Variants in RXRA observed in about 807,000 individuals in gnomAD.
RXRA encodes retinoid X receptor alpha.
Under a neutral mutation model 44.5 loss-of-function variants are expected in RXRA, and 5 were observed. That is an observed-to-expected ratio of 0.11 (90% confidence interval 0.06 to 0.24). The LOEUF is 0.24. RXRA is among the 10% of genes least tolerant of loss of function. RXRA has a pLI of 1.00. For missense variants in RXRA, 412 were observed against 646.5 expected (o/e 0.64, Z 3.93); for synonymous variants, 291 against 271.4 (o/e 1.07, Z -0.71).
chr9:134,403,510 G>T (rs1830998636), intron 2 of RXRA: 2 of 152,334 alleles, frequency 1.3e-5, no homozygotes, highest in Non-Finnish European at 2.9e-5. Flanking sequence ...GCACCTGCTG[G>T]GTCCCAGGGC....
chr9:134,408,130 C>G lies in RXRA; in HGVS notation c.280-19C>G, dbSNP rs200240902. On this transcript the variant is annotated intron_variant, in intron 2 of 9. Coordinates refer to ENST00000481739, the MANE Select transcript of RXRA (RefSeq NM_002957.6). ...AACCTGGTGTACACCCCGCTGACTG[C>G]TGTGGTTGCCCCCCCCAGCTCAGCT... The G allele has an allele frequency of 4.6e-6, 7 of 1,523,544 alleles. No homozygotes were observed. The highest frequency in any genetic ancestry group is 6.1e-6 in the Non-Finnish European group (7 of 1,140,942). The allele number at this position is 1,523,544 out of a possible 1,614,324, so 94.4% of individuals were successfully genotyped here.
At chr9:134,422,188 T>A in intron 6 of RXRA, 1 of 1,171,444 alleles carries the variant, frequency 8.5e-7, no homozygotes, top group Non-Finnish European at 1.1e-6. Context: ...TGGGACACAC[T>A]TCCCCCTCCA....
At chr9:134,404,410 G>GC (rs771563425) in intron 2 of RXRA, 2 of 152,372 alleles carry the variant, frequency 1.3e-5, no homozygotes, top group African/African-American at 4.8e-5. Context: ...CCCAGAGCAG[G>GC]CCCGGGGGAC....
intron 1 of RXRA, among the ~76,000 whole-genome samples, chr9:134,334,910 G>A (rs117905714): frequency 1.3e-3 from 200 of 152,336 alleles, no homozygotes; most frequent in African/African-American, 4.7e-3. Context: ...GTGGTGAAGC[G>A]CTTTCGGGAT....
rs149054510 is a variant in RXRA at position 134,387,340 on chromosome 9, C to T, written c.29-14292C>T. On this transcript the variant is annotated intron_variant, in intron 1 of 9. Transcript: ENST00000481739. ...AGATGTCCCTAGAAGGATGCGCTCT[C>T]GGCGCCCACGGTACAGGAAGACAGG... 5.1e-3 allele frequency among the ~76,000 whole-genome samples: 776 copies of T among 152,376 alleles called. 7 individuals carry two copies. The highest frequency in any genetic ancestry group is 0.017 in the African/African-American group (700 of 41,592).
At chr9:134,335,782 C>G (rs1829992767) in intron 1 of RXRA, among the ~76,000 whole-genome samples, 1 of 152,150 alleles carries the variant, frequency 6.6e-6, no homozygotes, top group African/African-American at 2.4e-5. Context: ...GGCCCTGGCT[C>G]CCAGGGTGTG....
intron 1 of RXRA, among the ~76,000 whole-genome samples, chr9:134,344,986 C>T (rs919688190): frequency 3.9e-5 from 6 of 152,288 alleles, no homozygotes; most frequent in Non-Finnish European, 7.4e-5. Context: ...AGAGTGGGCT[C>T]TGCCTCCTGC....
At chr9:134,414,589 T>C (rs1831203623) in intron 4 of RXRA, among the ~76,000 whole-genome samples, 1 of 152,228 alleles carries the variant, frequency 6.6e-6, no homozygotes, top group African/African-American at 2.4e-5. Context: ...GGTTGTCGGA[T>C]CCCAGGGCCT....
At chr9:134,337,196 T>C (rs1301976849) in intron 1 of RXRA, among the ~76,000 whole-genome samples, 1 of 152,206 alleles carries the variant, frequency 6.6e-6, no homozygotes, top group African/African-American at 2.4e-5. Context: ...GTTGGGGACC[T>C]GGGTCCTTCC....
At chr9:134,372,553 C>G (rs150745332) in intron 1 of RXRA, among the ~76,000 whole-genome samples, 1 of 150,864 alleles carries the variant, frequency 6.6e-6, no homozygotes, top group African/African-American at 2.4e-5. Context: ...GAGGCCTCCC[C>G]GTCACCTCAG....
In RXRA at chr9:134,365,957, C is replaced by T. The variant is rs893017531; in HGVS notation, c.29-35675C>T. Among the ~76,000 whole-genome samples the T allele has an allele frequency of 1.1e-4, 16 of 152,224 alleles. No homozygotes were observed. Among genetic ancestry groups the T allele is most frequent in the Admixed American group, 3.3e-4 (5 of 15,298 alleles). On this transcript the variant is annotated intron_variant, in intron 1 of 9. Transcript: ENST00000481739. This position sits in a 1 kb window ranked among gnomAD's most constrained non-coding sequence, Gnocchi z 4.0. ...TTGTGGCTGCCTCCAGTCAGGCGTC[C>T]GCTGAGCGACCCCTAGGAGCCGCCT...
intron 1 of RXRA, chr9:134,379,857 G>C: frequency 1.0e-6 from 1 of 985,282 alleles, no homozygotes; most frequent in Non-Finnish European, 1.2e-6. Context: ...GTGGCCCTGG[G>C]ATCTGGCCTT....
Position 134,432,004 on chromosome 9 carries a change from C to T in RXRA, c.1135+8C>T. The T allele has an allele frequency of 6.2e-7, 1 of 1,609,866 alleles. No homozygotes were observed. Among genetic ancestry groups the T allele is most frequent in the East Asian group, 2.2e-5 (1 of 44,794 alleles). On this transcript the variant is annotated splice_region_variant and intron_variant, in intron 8 of 9. Transcript: ENST00000481739. ...TCGTCCTCTTTAACCCTGGTATGGCCTTCCTGCCTTGAGGCTTCTGGCCCC... is the reference window on the plus strand; with the variant it reads ...TCGTCCTCTTTAACCCTGGTATGGCTTTCCTGCCTTGAGGCTTCTGGCCCC...
intron 4 of RXRA, among the ~76,000 whole-genome samples, chr9:134,413,001 G>A (rs767587249): frequency 2.0e-5 from 3 of 150,990 alleles, no homozygotes; most frequent in Non-Finnish European, 1.5e-5. Flanking sequence ...ATGTGTGCAC[G>A]TGTGTGCATG....
At position 134,418,999 on chromosome 9, in the gene RXRA, C is replaced by T. The variant is rs541428286; in HGVS notation, c.780+1672C>T. Among the ~76,000 whole-genome samples the T allele has an allele frequency of 3.5e-3, 536 of 152,354 alleles. 2 individuals are homozygous for T. The highest frequency in any genetic ancestry group is 6.0e-3 in the Non-Finnish European group (407 of 68,040). ...TGGATAGGACAACCTGGTGCCCCCA[C>T]GTCCCCGGCTCTGCTCAGACCTCTA... On this transcript the variant is annotated intron_variant, in intron 5 of 9. Coordinates refer to ENST00000481739, the MANE Select transcript of RXRA (RefSeq NM_002957.6).
Position 134,420,987 on chromosome 9 carries a change from C to T in RXRA, c.781-689C>T, listed in dbSNP as rs554358681. 7.9e-5 allele frequency among the ~76,000 whole-genome samples: 12 copies of T among 152,366 alleles called. No homozygotes were observed. The South Asian group carries it at 1.4e-3, about 18-fold the overall frequency. ...GCTCCCACATCCATGCCTGATGGAA[C>T]GTGAGAGGCCAGCCCTGTCCCCAGC... On this transcript the variant is annotated intron_variant, in intron 5 of 9. Transcript: ENST00000481739.
intron 1 of RXRA, among the ~76,000 whole-genome samples, chr9:134,332,588 T>G (rs1835022278): frequency 8.3e-5 from 12 of 144,242 alleles, no homozygotes; most frequent in African/African-American, 1.6e-4. Flanking sequence ...GTGAAGAGGG[T>G]GAGGACGCAA....
At chr9:134,412,184 C>T (rs1317684750) in intron 4 of RXRA, among the ~76,000 whole-genome samples, 1 of 152,216 alleles carries the variant, frequency 6.6e-6, no homozygotes, top group Non-Finnish European at 1.5e-5. Flanking sequence ...GCTATGGGGC[C>T]AAGTTGGCCA....
In RXRA at chr9:134,365,942, C is replaced by T. The variant is rs1830409233; in HGVS notation, c.29-35690C>T. 6.6e-6 allele frequency among the ~76,000 whole-genome samples: 1 copy of T among 152,112 alleles called. No individual in the cohort carries two copies. Among genetic ancestry groups the T allele is most frequent in the Non-Finnish European group, 1.5e-5 (1 of 68,024 alleles). On this transcript the variant is annotated intron_variant, in intron 1 of 9. Coordinates refer to ENST00000481739, the MANE Select transcript of RXRA (RefSeq NM_002957.6). The surrounding 1 kb of genome is among the most constrained non-coding windows in gnomAD (Gnocchi z 4.0). Reference sequence around the variant, plus strand: ...AGACGCTCAGCACAGTTGTGGCTGCCTCCAGTCAGGCGTCCGCTGAGCGAC... The same window carrying T: ...AGACGCTCAGCACAGTTGTGGCTGCTTCCAGTCAGGCGTCCGCTGAGCGAC...
Sources: gnomAD v4.1 joint callset for allele counts (sites outside exome capture counted in the v4.1 genomes callset) on GRCh38, gnomAD v4.1.1 for gene constraint, Gnocchi (gnomAD v3.1) non-coding constraint, MANE v1.5 for transcripts, NCBI Gene and HGNC (gene_info 2026-07-23, HGNC 2026-07-21) for gene names.